PYGL: variants seen among roughly 807,000 people sequenced by gnomAD.
The protein encoded by PYGL is glycogen phosphorylase L.
A neutral mutation model predicts 100.1 loss-of-function variants in PYGL; 90 were observed. The observed-to-expected ratio is 0.90, with a 90% CI of 0.76 to 1.07. The LOEUF is 1.07. PYGL is among the 50% of genes least tolerant of loss of function. The pLI, the probability that PYGL is intolerant of heterozygous loss-of-function variation, is 0.00. For synonymous variants in PYGL, 373 were observed against 393.0 expected, an observed-to-expected ratio of 0.95 and a Z score of 0.60; for missense variants, 1,016 against 1,057.6, an observed-to-expected ratio of 0.96 and a Z score of 0.55.
chr14:50,926,336 G>A (rs2050547337), intron 4 of PYGL, among the ~76,000 whole-genome samples: 1 of 152,072 alleles, frequency 6.6e-6, no homozygotes, highest in South Asian at 2.1e-4. Context: ...GGGTGACAGA[G>A]TGAGACTCCA....
intron 1 of PYGL, among the ~76,000 whole-genome samples, chr14:50,942,108 C>G (rs892435029): frequency 3.9e-5 from 6 of 152,212 alleles, no homozygotes; most frequent in African/African-American, 1.2e-4. Flanking sequence ...GACACACCTA[C>G]TTGCTCTACT....
chr14:50,927,666 T>C (rs1188749200), intron 4 of PYGL, among the ~76,000 whole-genome samples: 7 of 152,234 alleles, frequency 4.6e-5, no homozygotes, highest in Non-Finnish European at 8.8e-5. Context: ...TTGCTTGCTG[T>C]TCTTTATTGT....
rs775151283 is a variant in PYGL at position 50,920,636 on chromosome 14, T to C, written c.773-13A>G. The C allele has an allele frequency of 2.5e-6, 4 of 1,594,972 alleles. No individual in the cohort carries two copies. Among genetic ancestry groups the C allele is most frequent in the South Asian group, 1.1e-5 (1 of 90,678 alleles). ...TCTCCAACATTAACTAGGGGAAAGT[T>C]AGAGAAACAATAAATAGAGAAACCA... On this transcript the variant is annotated splice_polypyrimidine_tract_variant and intron_variant, in intron 6 of 19. Transcript: ENST00000216392.
chr14:50,916,540 A>T lies in PYGL; in HGVS notation c.1092+102T>A, dbSNP rs958343849. ...ATACCTTTAACTGTTGAAAGTTAGC[A>T]ACAATAACTTACTTTGAAAAACTAA... is the stretch of plus-strand genomic sequence containing the variant. On this transcript the variant is annotated intron_variant, in intron 9 of 19. Coordinates refer to ENST00000216392, the MANE Select transcript of PYGL (RefSeq NM_002863.5). 18 of 1,072,254 alleles carry T rather than the reference A, an allele frequency of 1.7e-5. No homozygotes were observed. The African/African-American group carries it at 2.6e-4, about 16-fold the overall frequency. The allele number at this position is 1,072,254 out of a possible 1,614,324, so 66.4% of individuals were successfully genotyped here. A position where few individuals can be genotyped will look rare whatever the true frequency, so the allele number is the denominator to read the frequency against.
intron 13 of PYGL, 81 bp from the exon 14 acceptor site, chr14:50,912,384 A>T: frequency 6.6e-7 from 1 of 1,519,410 alleles, no homozygotes; most frequent in Non-Finnish European, 9.0e-7. Flanking sequence ...TTTGAGACGG[A>T]GTCTCACTCT....
chr14:50,935,031 G>A, intron 3 of PYGL, 76 bp downstream of exon 3: 1 of 1,368,662 alleles, frequency 7.3e-7, no homozygotes, highest in Non-Finnish European at 1.0e-6. Context: ...CCTGGTTCTT[G>A]CAAGCATGGT....
At chr14:50,923,584 A>G in intron 5 of PYGL, 1 of 200,384 alleles carries the variant, frequency 5.0e-6, no homozygotes, top group Non-Finnish European at 1.0e-5. Context: ...CACTGCACCC[A>G]GCCAGGAATG....
In PYGL at chr14:50,917,863, C is replaced by T. The variant is rs569006892; in HGVS notation, c.856-758G>A. On this transcript the variant is annotated intron_variant, in intron 7 of 19. Transcript: ENST00000216392. ...GTCCTAACCCTGAGCCATCACACTT[C>T]GATTTTTATAGATCATGGAGCTGCC... Among the ~76,000 whole-genome samples, 14 of 152,274 alleles carry T rather than the reference C, an allele frequency of 9.2e-5. 1 individual carries two copies. The Middle Eastern group carries it at 0.017, about 185-fold the overall frequency.
At chr14:50,914,538 C>T (rs542900125) in intron 12 of PYGL, among the ~76,000 whole-genome samples, 163 bp downstream of exon 12, 52 of 148,918 alleles carry the variant, frequency 3.5e-4, no homozygotes, top group Non-Finnish European at 6.3e-4. Flanking sequence ...TTCAAGATGA[C>T]TACAGCAGAG....
chr14:50,910,683 C>T (rs1303151653), intron 16 of PYGL, among the ~76,000 whole-genome samples: 1 of 152,202 alleles, frequency 6.6e-6, no homozygotes, highest in African/African-American at 2.4e-5. Flanking sequence ...ACTTCTCTCT[C>T]TTGATCCATA....
chr14:50,910,605 A>G (rs903301483), intron 16 of PYGL, among the ~76,000 whole-genome samples: 1 of 152,102 alleles, frequency 6.6e-6, no homozygotes, highest in Non-Finnish European at 1.5e-5. Context: ...ACAAGCGAGC[A>G]CCACCATGTC....
At chr14:50,934,659 G>A (rs902554480) in intron 3 of PYGL, among the ~76,000 whole-genome samples, 1 of 151,006 alleles carries the variant, frequency 6.6e-6, no homozygotes, top group Admixed American at 6.6e-5. Context: ...GTATGTGTGT[G>A]TATATATATA....
chr14:50,943,512 A>G (rs1463738791), intron 1 of PYGL, among the ~76,000 whole-genome samples: 1 of 152,220 alleles, frequency 6.6e-6, no homozygotes, highest in Non-Finnish European at 1.5e-5. Flanking sequence ...GGACGAGTCC[A>G]GGGCATTGCC....
At chr14:50,935,209 T>C in intron 2 of PYGL, 24 bp from the exon 3 acceptor site, 1 of 1,577,676 alleles carries the variant, frequency 6.3e-7, no homozygotes, top group Non-Finnish European at 8.7e-7. Flanking sequence ...GAAAACAATA[T>C]TGGAAGCAGA....
rs766048595 is a variant in PYGL, at chr14:50,944,408, G to T, written c.-5C>A. On this transcript the variant is annotated 5_prime_UTR_variant, in exon 1 of 20. Coordinates refer to ENST00000216392, the MANE Select transcript of PYGL (RefSeq NM_002863.5). Reference sequence around the variant, plus strand: ...GTCCGTCAGGGGCTTCGCCATGGCTGGGGCGGCGGGCTGCGCGGCGGGCTG... The same window carrying T: ...GTCCGTCAGGGGCTTCGCCATGGCTTGGGCGGCGGGCTGCGCGGCGGGCTG... 6.2e-7 allele frequency: 1 copy of T among 1,606,156 alleles called. No individual in the cohort carries two copies. The highest frequency in any genetic ancestry group is 8.5e-7 in the Non-Finnish European group (1 of 1,177,594).
At chr14:50,910,671 G>A (rs547690339) in intron 16 of PYGL, among the ~76,000 whole-genome samples, 2 of 152,276 alleles carry the variant, frequency 1.3e-5, no homozygotes, top group East Asian at 3.9e-4. Context: ...TGCCCAGGCT[G>A]AACTTCTCTC....
intron 14 of PYGL, 50 bp from the exon 15 acceptor site, chr14:50,912,086 G>T: frequency 6.2e-7 from 1 of 1,613,048 alleles, no homozygotes; most frequent in Non-Finnish European, 8.5e-7. Flanking sequence ...GACGGTCAGG[G>T]CAGTGAGACC....
At chr14:50,941,851 A>T (rs1170949629) in intron 1 of PYGL, among the ~76,000 whole-genome samples, 2 of 152,146 alleles carry the variant, frequency 1.3e-5, no homozygotes, top group Admixed American at 1.3e-4. Context: ...GCACTCCAAC[A>T]TGGGTGACAG....
chr14:50,939,539 G>C (rs970591806), intron 1 of PYGL, among the ~76,000 whole-genome samples: 21 of 151,892 alleles, frequency 1.4e-4, no homozygotes, highest in Admixed American at 5.9e-4. Flanking sequence ...ACAAAGTTCA[G>C]ACCTGCTGAA....
Sources: allele counts gnomAD v4.1 joint callset (sites outside exome capture counted in the v4.1 genomes callset), GRCh38; gene constraint gnomAD v4.1.1; transcripts MANE v1.5; gene names NCBI Gene and HGNC (gene_info 2026-07-23, HGNC 2026-07-21).